ZNF804B: variants seen among roughly 807,000 people sequenced by gnomAD.
The protein encoded by ZNF804B is zinc finger protein 804B, also known as zinc finger 804B.
ZNF804B carries 80 observed loss-of-function variants against 101.4 expected under a neutral mutation model. The observed-to-expected ratio is 0.79, with a 90% CI of 0.66 to 0.95. The LOEUF is 0.95. Among genes scored for constraint, ZNF804B ranks in the 40% least tolerant of loss-of-function variants. ZNF804B has a pLI of 0.00. For missense variants in ZNF804B, 1,673 were observed against 1,561.9 expected (o/e 1.07, Z -1.20); for synonymous variants, 622 against 558.8 (o/e 1.11, Z -1.59).
Position 88,814,305 on chromosome 7 carries a change from G to C in ZNF804B, c.108+54221G>C, listed in dbSNP as rs192341908. 4.1e-4 allele frequency among the ~76,000 whole-genome samples: 63 copies of C among 152,240 alleles called. No homozygotes were observed. In the East Asian group the frequency reaches 0.01, roughly 25 times the overall value. On this transcript the variant is annotated intron_variant, in intron 1 of 3. Transcript: ENST00000333190. ...CAGACTGAATAATGCATGAAAGAAT[G>C]TAGACTCTTTGGAATAATGTGTTAT...
intron 2 of ZNF804B, among the ~76,000 whole-genome samples, chr7:89,249,501 A>G (rs1789507680): frequency 6.6e-6 from 1 of 152,206 alleles, no homozygotes; most frequent in Admixed American, 6.5e-5. Flanking sequence ...ACAAAATTAC[A>G]TGGAAATTAA....
At chr7:88,913,931 T>C (rs1261946571) in intron 1 of ZNF804B, among the ~76,000 whole-genome samples, 1 of 152,190 alleles carries the variant, frequency 6.6e-6, no homozygotes, top group African/African-American at 2.4e-5. Flanking sequence ...TGGCAGGCTG[T>C]AAATAGAGCT....
Position 88,867,153 on chromosome 7 carries a change from G to A in ZNF804B, c.108+107069G>A, listed in dbSNP as rs571522557. Among the ~76,000 whole-genome samples, 31 of 152,264 alleles carry A rather than the reference G, an allele frequency of 2.0e-4. No individual in the cohort carries two copies. The East Asian group carries it at 5.8e-3, about 28-fold the overall frequency. On this transcript the variant is annotated intron_variant, in intron 1 of 3. Transcript: ENST00000333190. ...CATTAGGAGTAAACTTGCTGTATTA[G>A]GGTTCTCCAGAGAGACAGACCAATA...
intron 1 of ZNF804B, among the ~76,000 whole-genome samples, chr7:88,793,068 A>T (rs1790404259): frequency 6.6e-6 from 1 of 152,082 alleles, no homozygotes; most frequent in Non-Finnish European, 1.5e-5. Flanking sequence ...ATAAAAAATA[A>T]AACTATAATG....
chr7:89,210,442 C>G (rs1047538782), intron 1 of ZNF804B, among the ~76,000 whole-genome samples: 3 of 152,086 alleles, frequency 2.0e-5, no homozygotes, highest in Non-Finnish European at 4.4e-5. Flanking sequence ...TAACCCATCA[C>G]CTAGGTATTA....
intron 1 of ZNF804B, among the ~76,000 whole-genome samples, chr7:88,960,756 T>C (rs756731318): frequency 6.6e-6 from 1 of 151,414 alleles, no homozygotes; most frequent in Non-Finnish European, 1.5e-5. Flanking sequence ...AAAATATGTT[T>C]TGTTGAAAAA....
chr7:88,815,731 C>T (rs983573225), intron 1 of ZNF804B, among the ~76,000 whole-genome samples: 9 of 152,082 alleles, frequency 5.9e-5, no homozygotes, highest in East Asian at 1.9e-4. Context: ...ACACCGCACT[C>T]GGCTTTCCTC....
intron 1 of ZNF804B, among the ~76,000 whole-genome samples, chr7:89,077,068 A>G (rs986928899): frequency 4.2e-5 from 1 of 23,788 alleles, no homozygotes; most frequent in Non-Finnish European, 8.5e-5. Context: ...AATGGAGGAT[A>G]TCTGAAACAG....
At chr7:89,262,626 G>C (rs141189512) in intron 2 of ZNF804B, among the ~76,000 whole-genome samples, 1 of 151,866 alleles carries the variant, frequency 6.6e-6, no homozygotes, top group Admixed American at 6.6e-5. Context: ...CATACTTTCT[G>C]TCTGTATAAC....
At chr7:89,199,971 C>A (rs1443098182) in intron 1 of ZNF804B, among the ~76,000 whole-genome samples, 1 of 148,532 alleles carries the variant, frequency 6.7e-6, no homozygotes, top group Admixed American at 6.8e-5. Flanking sequence ...GATATAAATA[C>A]ATCTATAATA....
At position 89,171,352 on chromosome 7, in the gene ZNF804B, CTT is replaced by C. The variant is rs56360245; in HGVS notation, c.109-46802_109-46801del. ...TCTTCTTCTTCTTCTTCTTCTTCTT[CTT>C]CTTCCTCCTCTTCCTCTTCTTCCTC... On this transcript the variant is annotated intron_variant, in intron 1 of 3. Transcript: ENST00000333190. Among the ~76,000 whole-genome samples, 51 of 128,416 alleles carry C rather than the reference CTT, an allele frequency of 4.0e-4. 1 individual carries two copies. Among genetic ancestry groups the C allele is most frequent in the East Asian group, 1.5e-3 (7 of 4,820 alleles). The allele number at this position is 128,416 out of a possible 152,430, so 84.2% of individuals were successfully genotyped here.
rs531592023 is a variant in ZNF804B, at chr7:88,811,594, T to C, written c.108+51510T>C. On this transcript the variant is annotated intron_variant, in intron 1 of 3. Transcript: ENST00000333190. ...AACCCAGATGCCCATCAGTGATAGA[T>C]TGGATAAAGAAAAGGTGGTACATAT... Among the ~76,000 whole-genome samples the C allele has an allele frequency of 3.9e-5, 6 of 152,194 alleles. No homozygotes were observed. In the South Asian group the frequency reaches 1.0e-3, roughly 26 times the overall value.
chr7:88,903,338 T>A (rs538039737), intron 1 of ZNF804B, among the ~76,000 whole-genome samples: 1 of 152,320 alleles, frequency 6.6e-6, no homozygotes, highest in South Asian at 2.1e-4. Flanking sequence ...CCACGTTTTC[T>A]TTATCCAGTC....
chr7:89,215,081 A>G (rs959761390), intron 1 of ZNF804B, among the ~76,000 whole-genome samples: 1 of 151,982 alleles, frequency 6.6e-6, no homozygotes, highest in Non-Finnish European at 1.5e-5. Flanking sequence ...CCTCCTGTTC[A>G]CTCTTTCTCT....
chr7:89,052,441 T>C (rs182917567), intron 1 of ZNF804B, among the ~76,000 whole-genome samples: 1 of 152,334 alleles, frequency 6.6e-6, no homozygotes, highest in Admixed American at 6.5e-5. Flanking sequence ...GAAATAGCTG[T>C]AAAACAAGAA....
chr7:89,251,962 G>T (rs1789547942), intron 2 of ZNF804B, among the ~76,000 whole-genome samples: 1 of 152,060 alleles, frequency 6.6e-6, no homozygotes, highest in African/African-American at 2.4e-5. Context: ...TCCTAGAAGA[G>T]AACCTAAGAA....
At chr7:89,173,715 G>C (rs1487889069) in intron 1 of ZNF804B, among the ~76,000 whole-genome samples, 2 of 151,780 alleles carry the variant, frequency 1.3e-5, no homozygotes, top group Non-Finnish European at 2.9e-5. Context: ...TCTGTCTTCT[G>C]TCTATCCATC....
intron 1 of ZNF804B, among the ~76,000 whole-genome samples, chr7:88,986,621 T>C (rs1263489591): frequency 6.6e-6 from 1 of 152,164 alleles, no homozygotes; most frequent in Non-Finnish European, 1.5e-5. Flanking sequence ...GTTCCTGACC[T>C]CGTGCAATGC....
intron 1 of ZNF804B, among the ~76,000 whole-genome samples, chr7:89,025,226 A>G: frequency 6.6e-6 from 1 of 152,102 alleles, no homozygotes; most frequent in Admixed American, 6.6e-5. Context: ...GTAGTCATAG[A>G]CTTTTTGCTC....
Sources: allele counts gnomAD v4.1 joint callset (sites outside exome capture counted in the v4.1 genomes callset), GRCh38; gene constraint gnomAD v4.1.1; transcripts MANE v1.5; gene names NCBI Gene and HGNC (gene_info 2026-07-23, HGNC 2026-07-21).